AEN: variants seen among roughly 807,000 people sequenced by gnomAD.
AEN encodes apoptosis enhancing nuclease.
AEN carries 21 observed loss-of-function variants against 17.7 expected under a neutral mutation model. That is an observed-to-expected ratio of 1.19 (90% CI 0.84 to 1.71). The LOEUF (loss-of-function observed/expected upper bound fraction) is 1.71. AEN is among the 40% of genes most tolerant of loss of function. AEN has a pLI of 0.00. For missense variants in AEN, 462 were observed against 435.9 expected (o/e 1.06, Z -0.53); for synonymous variants, 190 against 173.0 (o/e 1.10, Z -0.77).
At chr15:88,622,895 A>G (rs1402400213) in intron 1 of AEN, among the ~76,000 whole-genome samples, 1 of 152,218 alleles carries the variant, frequency 6.6e-6, no homozygotes, top group African/African-American at 2.4e-5. Context: ...TCTTCTCTTA[A>G]GCAAGGTCAG....
At chr15:88,610,702 GA>G in the AEN span, among the ~76,000 whole-genome samples, 4 of 152,174 alleles carry the variant, frequency 2.6e-5, no homozygotes, top group Admixed American at 6.5e-5. Flanking sequence ...CCCAAGGATG[GA>G]AGGGTGGGCT....
rs769994313 is a variant in AEN at position 88,630,221 on chromosome 15, A to C, written c.905A>C (p.Asp302Ala). Residue 302 changes from aspartate to alanine, a missense_variant, in exon 4 of 4, where the codon GAC becomes GCC. By Grantham distance (126) the Asp-to-Ala change is moderately radical. Transcript: ENST00000332810. This position sits in a 1 kb window ranked among gnomAD's most constrained non-coding sequence, Gnocchi z 5.1. The part of the protein sequence containing the change: ...SSTDMEQYME[D>A]QYWPDDLAHG... ...ACAGACATGGAACAGTACATGGAGG[A>C]CCAGTACTGGCCCGATGACCTGGCC... is the stretch of plus-strand genomic sequence containing the variant. 7 of 1,608,004 alleles carry C rather than the reference A, an allele frequency of 4.4e-6. No homozygotes were observed. Among genetic ancestry groups the C allele is most frequent in the Non-Finnish European group, 5.9e-6 (7 of 1,177,506 alleles).
At chr15:88,619,425 C>G, upstream of AEN, among the ~76,000 whole-genome samples, 1 of 152,174 alleles carries the variant, frequency 6.6e-6, no homozygotes, top group Non-Finnish European at 1.5e-5. Context: ...TGTGGTGGCT[C>G]ACGCCTGTAA....
the AEN span, among the ~76,000 whole-genome samples, chr15:88,610,501 A>T: frequency 1.0e-3 from 155 of 152,062 alleles, 1 homozygote; most frequent in African/African-American, 3.5e-3. Flanking sequence ...TACATCTTCC[A>T]CAAAAGAACT....
the AEN span, among the ~76,000 whole-genome samples, chr15:88,615,127 G>A: frequency 2.6e-5 from 4 of 151,896 alleles, no homozygotes; most frequent in Admixed American, 1.3e-4. Flanking sequence ...GCCTCCCAAA[G>A]TGCTGGGATT....
At chr15:88,612,112 T>C in the AEN span, among the ~76,000 whole-genome samples, 4 of 152,214 alleles carry the variant, frequency 2.6e-5, no homozygotes, top group African/African-American at 9.6e-5. Context: ...GCAGGGTCTC[T>C]GTTTTCAGGG....
chr15:88,608,079 C>G, the AEN span: 4 of 518,456 alleles, frequency 7.7e-6, no homozygotes, highest in South Asian at 5.7e-5. Flanking sequence ...AAAGGGTCTA[C>G]TTTCAAGAAG....
chr15:88,621,591 G>C lies in AEN; in HGVS notation c.-65+209G>C, dbSNP rs944064364. The C allele has an allele frequency of 5.3e-5, 8 of 152,330 alleles. No homozygotes were observed. The South Asian group carries it at 8.3e-4, about 16-fold the overall frequency. The allele number at this position is 152,330 out of a possible 1,614,324, so 9.4% of individuals were successfully genotyped here. ...TCTGCTCGGGGGTCCAGGGCCAGAG[G>C]GGGCGGCGCTGGTCGTTGGGACTCG... On this transcript the variant is annotated intron_variant, in intron 1 of 3. Transcript: ENST00000332810.
At position 88,630,841 on chromosome 15, in the gene AEN, T is replaced by C. The variant is rs1331313609; in HGVS notation, c.*547T>C. On this transcript the variant is annotated 3_prime_UTR_variant, in exon 4 of 4. Transcript: ENST00000332810. This position sits in a 1 kb window ranked among gnomAD's most constrained non-coding sequence, Gnocchi z 5.1. ...GTCCTGAAGTTAAAGAGGAGTTAAG[T>C]CCTAAAGGAGGCATTTCTTCCCCAC... 4 of 268,452 alleles carry C rather than the reference T, an allele frequency of 1.5e-5. No homozygotes were observed. The East Asian group carries it at 2.6e-4, about 17-fold the overall frequency. The allele number at this position is 268,452 out of a possible 1,614,324, so 16.6% of individuals were successfully genotyped here.
the AEN span, among the ~76,000 whole-genome samples, chr15:88,612,799 C>T: frequency 6.6e-6 from 1 of 151,890 alleles, no homozygotes; most frequent in Non-Finnish European, 1.5e-5. Flanking sequence ...GAGGGGTTTG[C>T]TATGTTGGTC....
chr15:88,609,910 GC>G, the AEN span, among the ~76,000 whole-genome samples: 140 of 152,302 alleles, frequency 9.2e-4, no homozygotes, highest in African/African-American at 3.2e-3. Flanking sequence ...CAGGCTGTGC[GC>G]GAGGCACTTG....
At chr15:88,629,038 G>C (rs1383503740) in intron 2 of AEN, 188 bp from the exon 3 acceptor site, 6 of 612,878 alleles carry the variant, frequency 9.8e-6, no homozygotes, top group Non-Finnish European at 1.5e-5. Context: ...CCTGGGTATA[G>C]ACAGTAGAAG....
At position 88,626,518 on chromosome 15, in the gene AEN, A is replaced by G; in HGVS notation, c.309A>G (p.Ser103=). The change falls in exon 2 of 4, where the codon TCA becomes TCG. Residue 103 remains serine, a synonymous_variant. Coordinates refer to ENST00000332810, the MANE Select transcript of AEN (RefSeq NM_022767.4). ...GAAGGCCTGCTCCCGGGAAAGCCTC[A>G]GGGCCCTTGCCCAGCAAGTGTGTGG... ...CSRRPAPGKA[S]GPLPSKCVAI... is the part of the protein sequence containing the mutation. 6.2e-7 allele frequency: 1 copy of G among 1,614,168 alleles called. No individual in the cohort carries two copies. Among genetic ancestry groups the G allele is most frequent in the Non-Finnish European group, 8.5e-7 (1 of 1,180,036 alleles).
At chr15:88,625,141 A>G (rs1037825485) in intron 1 of AEN, among the ~76,000 whole-genome samples, 3 of 152,248 alleles carry the variant, frequency 2.0e-5, no homozygotes, top group African/African-American at 7.2e-5. Context: ...AGCCCATCAC[A>G]GAAATCTGCA....
In AEN at chr15:88,630,297, AG is replaced by A. The variant is rs1356819960; in HGVS notation, c.*8del. ...AGGCACAGGACAGAAGGAATTGAGA[AG>A]GGGGCGGGGCTCCCTGGCTGGGCTT... On this transcript the variant is annotated 3_prime_UTR_variant, in exon 4 of 4. Transcript: ENST00000332810. This position sits in a 1 kb window ranked among gnomAD's most constrained non-coding sequence, Gnocchi z 5.1. 2.5e-6 allele frequency: 4 copies of A among 1,571,424 alleles called. No homozygotes were observed. Among genetic ancestry groups the A allele is most frequent in the Non-Finnish European group, 3.5e-6 (4 of 1,158,842 alleles).
At chr15:88,614,184 T>C in the AEN span, among the ~76,000 whole-genome samples, 1 of 152,090 alleles carries the variant, frequency 6.6e-6, no homozygotes, top group Non-Finnish European at 1.5e-5. Flanking sequence ...AAATAGACAA[T>C]TTACTACTGT....
At chr15:88,627,858 G>A (rs1414211306) in intron 2 of AEN, 1 of 152,176 alleles carries the variant, frequency 6.6e-6, no homozygotes, top group Non-Finnish European at 1.5e-5. Context: ...CAATTGCATT[G>A]AGACAAATCT....
intron 2 of AEN, 25 bp downstream of exon 2, chr15:88,626,774 T>C: frequency 5.0e-6 from 8 of 1,587,894 alleles, no homozygotes; most frequent in Non-Finnish European, 6.8e-6. Context: ...GGGGACTTGT[T>C]TGGGAGGTGT....
chr15:88,626,083 A>T (rs186731633), intron 1 of AEN, 63 bp from the exon 2 acceptor site: 7 of 901,412 alleles, frequency 7.8e-6, no homozygotes, highest in Admixed American at 5.3e-5. Flanking sequence ...GGAGGGAGGG[A>T]GGGTGGGTGG....
Sources: allele counts gnomAD v4.1 joint callset (sites outside exome capture counted in the v4.1 genomes callset), GRCh38; gene constraint gnomAD v4.1.1; non-coding constraint Gnocchi (gnomAD v3.1); transcripts MANE v1.5; gene names NCBI Gene and HGNC (gene_info 2026-07-23, HGNC 2026-07-21).